The following HPS3 variants were observed in gnomAD, a reference collection of about 807,000 sequenced individuals.
HPS3 encodes the protein HPS3 biogenesis of lysosomal organelles complex 2 subunit 1.
HPS3 carries 79 observed loss-of-function variants against 110.9 expected under a neutral mutation model. The ratio of observed to expected loss-of-function variants is 0.71; its 90% confidence interval spans 0.59 to 0.86. The LOEUF (loss-of-function observed/expected upper bound fraction) is 0.86, where lower values mean the gene tolerates loss of function less well. Ranked by LOEUF, HPS3 falls within the 40% of genes least tolerant of loss-of-function variation. The pLI, the probability that HPS3 is intolerant of heterozygous loss-of-function variation, is 0.00. For synonymous variants in HPS3, 428 were observed against 451.0 expected (o/e 0.95, Z 0.65); for missense variants, 1,197 against 1,206.2 (o/e 0.99, Z 0.11).
rs1201360618 is a variant in HPS3 at position 149,158,787 on chromosome 3, G to A, written c.1813G>A (p.Gly605Arg). 1 of 1,609,822 alleles carries A rather than the reference G, an allele frequency of 6.2e-7. No homozygotes were observed. The highest frequency in any genetic ancestry group is 8.5e-7 in the Non-Finnish European group (1 of 1,176,274). The change falls in exon 10 of 17, where the codon GGA becomes AGA. Residue 605 changes from glycine (G) to arginine (R), a missense_variant. By Grantham distance (125) the Gly-to-Arg change is moderately radical. Transcript: ENST00000296051. Reference protein sequence around the residue: ...VEDGLQKYERGLIFYINHSLY... With the variant: ...VEDGLQKYERRLIFYINHSLY... Reference sequence around the variant, plus strand: ...GGATGGATTACAGAAATACGAGAGAGGATTAATCTTTTACATTAATCATTC... The same window carrying A: ...GGATGGATTACAGAAATACGAGAGAAGATTAATCTTTTACATTAATCATTC...
intron 1 of HPS3, among the ~76,000 whole-genome samples, chr3:149,134,678 G>T (rs973837875): frequency 6.6e-6 from 1 of 152,170 alleles, no homozygotes; most frequent in South Asian, 2.1e-4. Context: ...GTTGAGAACC[G>T]CTGATCTAGA....
At chr3:149,159,152 C>T (rs1229727114) in intron 10 of HPS3, among the ~76,000 whole-genome samples, 2 of 152,180 alleles carry the variant, frequency 1.3e-5, no homozygotes. Flanking sequence ...CGGGCCTTGC[C>T]TTCCATCTTC....
chr3:149,157,431 G>A lies in HPS3; in HGVS notation c.1591G>A (p.Ala531Thr), dbSNP rs1723522788. 3.1e-6 allele frequency: 5 copies of A among 1,613,926 alleles called. No homozygotes were observed. The East Asian group carries it at 1.1e-4, about 36-fold the overall frequency. The change falls in exon 9 of 17, where the codon GCT (alanine) becomes ACT (threonine). Residue 531 changes from alanine (A) to threonine (T), a missense_variant. Coordinates refer to ENST00000296051, the MANE Select transcript of HPS3 (RefSeq NM_032383.5). ...CAGTGAGGCTCATCTGTTAGTGCGA[G>A]CTGCCCTGATGGATGCCAGTCAGCT... The part of the protein sequence containing the change: ...LLSEAHLLVR[A>T]ALMDASQLEP...
chr3:149,149,338 C>T (rs1249164597), intron 5 of HPS3, among the ~76,000 whole-genome samples: 7 of 152,030 alleles, frequency 4.6e-5, no homozygotes, highest in South Asian at 2.1e-4. Flanking sequence ...TCTGTCCTTC[C>T]GGTCCCACTG....
intron 1 of HPS3, among the ~76,000 whole-genome samples, chr3:149,139,506 C>CA (rs1484643800): frequency 6.6e-6 from 1 of 152,206 alleles, no homozygotes; most frequent in East Asian, 1.9e-4. Flanking sequence ...ATACAATCAA[C>CA]AATTTAGAGA....
At chr3:149,153,359 T>G in intron 6 of HPS3, 135 bp from the exon 7 acceptor site, 2 of 752,296 alleles carry the variant, frequency 2.7e-6, no homozygotes, top group South Asian at 3.3e-5. Flanking sequence ...TTTGTTTGTT[T>G]GTTTGTTTTT....
rs61615092 is a variant in HPS3, at chr3:149,162,091, A to G, written c.2107-57A>G. The G allele has an allele frequency of 0.44, 614,465 of 1,383,516 alleles. 138,469 individuals carry two copies. The highest frequency in any genetic ancestry group is 0.5 in the South Asian group (43,232 of 85,626). 85.7% of individuals were successfully genotyped at this position (1,383,516 alleles called of 1,614,324 possible). A position where few individuals can be genotyped will look rare whatever the true frequency, so the allele number is the denominator to read the frequency against. ...GCACTAGCATGTTTAGTATTTCTAA[A>G]ATGGACAATCTAAATACAATGTACC... On this transcript the variant is annotated intron_variant, in intron 11 of 16. Coordinates refer to ENST00000296051, the MANE Select transcript of HPS3 (RefSeq NM_032383.5).
Position 149,166,365 on chromosome 3 carries a change from G to A in HPS3, c.2590-669G>A, listed in dbSNP as rs137926921. ...AGAAAATTTGGAAACTACAGGAAGGGGTGTAAAGAAAACAAAGAGTAGGCT... is the reference window on the plus strand; with the variant it reads ...AGAAAATTTGGAAACTACAGGAAGGAGTGTAAAGAAAACAAAGAGTAGGCT... On this transcript the variant is annotated intron_variant, in intron 14 of 16. Transcript: ENST00000296051. 7.4e-3 allele frequency among the ~76,000 whole-genome samples: 1,132 copies of A among 152,200 alleles called. 9 individuals are homozygous for A. The highest frequency in any genetic ancestry group is 0.013 in the Non-Finnish European group (904 of 68,000).
chr3:149,129,963 G>A, intron 1 of HPS3, 23 bp downstream of exon 1: 1 of 1,531,732 alleles, frequency 6.5e-7, no homozygotes, highest in Non-Finnish European at 8.7e-7. Flanking sequence ...GAGAGCCAGG[G>A]GCCGCCTGGG....
rs1722326747 is a variant in HPS3 at position 149,139,857 on chromosome 3, C to T, written c.218-147C>T. 3 of 728,272 alleles carry T rather than the reference C, an allele frequency of 4.1e-6. No homozygotes were observed. In the East Asian group the frequency reaches 8.2e-5, roughly 20 times the overall value. The allele number at this position is 728,272 out of a possible 1,614,324, so 45.1% of individuals were successfully genotyped here. A position where few individuals can be genotyped will look rare whatever the true frequency, so the allele number is the denominator to read the frequency against. On this transcript the variant is annotated intron_variant, in intron 1 of 16. Transcript: ENST00000296051. ...AAGCCTAATGTCAGTCAAAAATACACCTAAGATTTTGTTACTTAGGGTTTT... is the reference window on the plus strand; with the variant it reads ...AAGCCTAATGTCAGTCAAAAATACATCTAAGATTTTGTTACTTAGGGTTTT...
chr3:149,141,127 G>T lies in HPS3; in HGVS notation c.823G>T (p.Glu275Ter). 1.9e-6 allele frequency: 3 copies of T among 1,613,238 alleles called. No homozygotes were observed. The South Asian group carries it at 3.3e-5, about 18-fold the overall frequency. Residue 275 changes from glutamate (E) to a stop codon, truncating the protein, a stop_gained, in exon 3 of 17, where the codon GAG becomes TAG. Transcript: ENST00000296051. LOFTEE classifies it high-confidence loss of function. ...ACAGTCTGGATTATCTGTTACACTG[G>T]AGTCTACGGGATTAGCTGATGAAAA... is the stretch of plus-strand genomic sequence containing the variant. Reference protein sequence around the residue: ...SEQSGLSVTLESTGLADEKRK... With the variant: ...SEQSGLSVTL
chr3:149,157,037 T>TA (rs1723498679), intron 8 of HPS3, among the ~76,000 whole-genome samples: 1 of 152,212 alleles, frequency 6.6e-6, no homozygotes, highest in Non-Finnish European at 1.5e-5. Flanking sequence ...TCACTAGTCT[T>TA]ACTGAGATCA....
Position 149,167,952 on chromosome 3 carries a change from G to A in HPS3, c.2856G>A (p.Glu952=), listed in dbSNP as rs1470419588. The A allele has an allele frequency of 1.0e-5, 16 of 1,598,100 alleles. No homozygotes were observed. The highest frequency in any genetic ancestry group is 2.7e-5 in the African/African-American group (2 of 74,560). The change falls in exon 16 of 17, where the codon GAG becomes GAA. Residue 952 remains glutamate (E), a synonymous_variant. Coordinates refer to ENST00000296051, the MANE Select transcript of HPS3 (RefSeq NM_032383.5). ...GTCAGAGAATAAAATGTGGTGGAGAGAAGTATCAACTCTACCTGTCATCAT... is the reference window on the plus strand; with the variant it reads ...GTCAGAGAATAAAATGTGGTGGAGAAAAGTATCAACTCTACCTGTCATCAT... ...ELCQRIKCGG[E]KYQLYLSSLK... is the part of the protein sequence containing the mutation.
At chr3:149,159,801 TA>T (rs1559920487) in intron 10 of HPS3, among the ~76,000 whole-genome samples, 1 of 152,170 alleles carries the variant, frequency 6.6e-6, no homozygotes. Flanking sequence ...ACGCTGGCCA[TA>T]ACCTGGTACA....
At chr3:149,131,130 AAAAAAAAAAAC>A (rs1256160935) in intron 1 of HPS3, among the ~76,000 whole-genome samples, 5 of 150,586 alleles carry the variant, frequency 3.3e-5, no homozygotes, top group African/African-American at 9.9e-5. Flanking sequence ...GTTAAAAAAA[AAAAAAAAAAAC>A]AAAAAGTTGA....
chr3:149,151,410 C>T (rs1170642734), intron 6 of HPS3, among the ~76,000 whole-genome samples: 3 of 151,598 alleles, frequency 2.0e-5, no homozygotes, highest in African/African-American at 2.4e-5. Context: ...AATCAATATA[C>T]TTAAGAGCAC....
At chr3:149,158,111 A>C (rs1472854367) in intron 9 of HPS3, among the ~76,000 whole-genome samples, 1 of 152,220 alleles carries the variant, frequency 6.6e-6, no homozygotes, top group Non-Finnish European at 1.5e-5. Context: ...CTCAGTAGTC[A>C]GTGCTTTTAT....
At chr3:149,164,438 G>A (rs753967685) in intron 14 of HPS3, among the ~76,000 whole-genome samples, 8 of 152,172 alleles carry the variant, frequency 5.3e-5, no homozygotes, top group Non-Finnish European at 1.2e-4. Flanking sequence ...TAGAGAATGT[G>A]GATCATCCTT....
intron 1 of HPS3, among the ~76,000 whole-genome samples, chr3:149,136,288 G>A (rs1722089782): frequency 6.6e-6 from 1 of 151,996 alleles, no homozygotes; most frequent in Admixed American, 6.6e-5. Context: ...AGGCTGAGGT[G>A]GAAGGATCAC....
Sources: allele counts gnomAD v4.1 joint callset (sites outside exome capture counted in the v4.1 genomes callset), GRCh38; gene constraint gnomAD v4.1.1; transcripts MANE v1.5; gene names NCBI Gene and HGNC (gene_info 2026-07-23, HGNC 2026-07-21).